ZBTB46: variants seen among roughly 807,000 people sequenced by gnomAD.
ZBTB46 encodes the protein zinc finger and BTB domain containing 46.
Under a neutral mutation model 44.1 loss-of-function variants are expected in ZBTB46, and 8 were observed. That is an observed-to-expected ratio of 0.18 (90% CI 0.11 to 0.33). ZBTB46 has a LOEUF of 0.33. Ranked by LOEUF, ZBTB46 falls within the 10% of genes least tolerant of loss-of-function variation. The pLI is 1.00. For synonymous variants in ZBTB46, 409 were observed against 382.3 expected (o/e 1.07, Z -0.81); for missense variants, 651 against 847.7 (o/e 0.77, Z 2.88).
intron 1 of ZBTB46, among the ~76,000 whole-genome samples, chr20:63,828,142 A>C (rs534888386): frequency 2.8e-4 from 43 of 152,340 alleles, no homozygotes; most frequent in South Asian, 1.2e-3. Flanking sequence ...TCTATAAACA[A>C]CACCATTGGG....
In ZBTB46 at chr20:63,787,846, A is replaced by G. The variant is rs1032135066; in HGVS notation, c.937+1975T>C. ...AGCTGTGTTCACTCCCGGCTCTCGCAGATCTCTCAGCGACGGAGAGGAGGG... is the reference window on the plus strand; with the variant it reads ...AGCTGTGTTCACTCCCGGCTCTCGCGGATCTCTCAGCGACGGAGAGGAGGG... On this transcript the variant is annotated intron_variant, in intron 2 of 4. Coordinates refer to ENST00000245663, the MANE Select transcript of ZBTB46 (RefSeq NM_001369741.1). This position sits in a 1 kb window ranked among gnomAD's most constrained non-coding sequence, Gnocchi z 4.6. 6.6e-6 allele frequency: 1 copy of G among 152,286 alleles called. No individual in the cohort carries two copies. The highest frequency in any genetic ancestry group is 1.5e-5 in the Non-Finnish European group (1 of 68,070). 9.4% of individuals were successfully genotyped at this position (152,286 alleles called of 1,614,324 possible).
At chr20:63,825,383 A>G (rs1474278105) in intron 1 of ZBTB46, among the ~76,000 whole-genome samples, 10 of 147,196 alleles carry the variant, frequency 6.8e-5, no homozygotes, top group African/African-American at 2.5e-4. Context: ...CCTGGGGGAC[A>G]GAACAAGACT....
chr20:63,797,821 A>G (rs903233822), intron 1 of ZBTB46, among the ~76,000 whole-genome samples: 1 of 152,164 alleles, frequency 6.6e-6, no homozygotes, highest in Non-Finnish European at 1.5e-5. Context: ...GTGTCTGTTC[A>G]TATCCTTTGC....
chr20:63,744,040 TAAGAA>T lies in ZBTB46; in HGVS notation c.*2885_*2889del, dbSNP rs1454909126. The T allele has an allele frequency of 6.6e-6, 1 of 152,454 alleles. No homozygotes were observed. Among genetic ancestry groups the T allele is most frequent in the African/African-American group, 2.4e-5 (1 of 41,402 alleles). 9.4% of individuals were successfully genotyped at this position (152,454 alleles called of 1,614,324 possible). Reference sequence around the variant, plus strand: ...AAGCATGTTGAAAAAAATAAATATTTAAGAAAAGCACACACAGCACCCTCACTACA... The same window carrying T: ...AAGCATGTTGAAAAAAATAAATATTTAAGCACACACAGCACCCTCACTACA... On this transcript the variant is annotated 3_prime_UTR_variant, in exon 5 of 5. Transcript: ENST00000245663.
At chr20:63,775,290 T>A in intron 3 of ZBTB46, 1 of 189,934 alleles carries the variant, frequency 5.3e-6, no homozygotes, top group Non-Finnish European at 1.1e-5. Flanking sequence ...GAAACGAGCC[T>A]CAGCACGAAG....
At chr20:63,768,214 G>A (rs901118897) in intron 3 of ZBTB46, 4 of 748,736 alleles carry the variant, frequency 5.3e-6, no homozygotes, top group Non-Finnish European at 6.5e-6. Context: ...ACTATCCTGT[G>A]AGAAATGAGA....
intron 2 of ZBTB46, among the ~76,000 whole-genome samples, chr20:63,783,591 T>G (rs2092488410): frequency 6.6e-6 from 1 of 152,166 alleles, no homozygotes. Flanking sequence ...CAAAGCTGAT[T>G]GCAGGTAATT....
intron 1 of ZBTB46, among the ~76,000 whole-genome samples, chr20:63,792,370 G>A (rs2092568056): frequency 2.6e-5 from 4 of 152,186 alleles, no homozygotes; most frequent in African/African-American, 7.2e-5. Flanking sequence ...GCGAGCGTGG[G>A]AGTATTACAT....
intron 1 of ZBTB46, among the ~76,000 whole-genome samples, chr20:63,800,653 G>C (rs539937270): frequency 1.3e-5 from 2 of 152,226 alleles, no homozygotes; most frequent in African/African-American, 4.8e-5. Flanking sequence ...CCCCACACTC[G>C]GAGCGGCCCA....
chr20:63,748,250 C>T lies in ZBTB46; in HGVS notation c.1399-949G>A, dbSNP rs541024536. On this transcript the variant is annotated intron_variant, in intron 4 of 4. Transcript: ENST00000245663. Reference sequence around the variant, plus strand: ...GTCGTGCTGTGCCCTGTGCTGGGCCCGGCAGGGAGATGGGGCAGCACCCTG... The same window carrying T: ...GTCGTGCTGTGCCCTGTGCTGGGCCTGGCAGGGAGATGGGGCAGCACCCTG... Among the ~76,000 whole-genome samples, 17 of 152,344 alleles carry T rather than the reference C, an allele frequency of 1.1e-4. No homozygotes were observed. In the East Asian group the frequency reaches 2.1e-3, roughly 19 times the overall value.
intron 3 of ZBTB46, among the ~76,000 whole-genome samples, chr20:63,759,267 T>C (rs1029950882): frequency 8.5e-6 from 1 of 117,032 alleles, no homozygotes. Context: ...ATTGGCTGTA[T>C]ATCCAGTATA....
chr20:63,825,246 C>G (rs1374624640), intron 1 of ZBTB46, among the ~76,000 whole-genome samples: 1 of 151,548 alleles, frequency 6.6e-6, no homozygotes, highest in Non-Finnish European at 1.5e-5. Context: ...ACTAAAAATA[C>G]AAAAATTAGC....
intron 1 of ZBTB46, among the ~76,000 whole-genome samples, chr20:63,795,521 A>G (rs1036664449): frequency 6.6e-6 from 1 of 152,258 alleles, no homozygotes; most frequent in African/African-American, 2.4e-5. Flanking sequence ...TCAAACCCCA[A>G]TAGCCACCAG....
In ZBTB46 at chr20:63,777,724, C is replaced by G. The variant is rs1257327006; in HGVS notation, c.938-1762G>C. ...CGCGTAGCACGTTATCCATAACAGC[C>G]AAAAGGTGGAACAGCCAACAAGTCC... On this transcript the variant is annotated intron_variant, in intron 2 of 4. Coordinates refer to ENST00000245663, the MANE Select transcript of ZBTB46 (RefSeq NM_001369741.1). Among the ~76,000 whole-genome samples the G allele has an allele frequency of 4.6e-5, 7 of 152,206 alleles. No homozygotes were observed. In the East Asian group the frequency reaches 1.4e-3, roughly 29 times the overall value.
intron 2 of ZBTB46, among the ~76,000 whole-genome samples, chr20:63,782,115 C>A (rs1409801468): frequency 8.3e-6 from 1 of 121,164 alleles, no homozygotes; most frequent in Non-Finnish European, 1.8e-5. Flanking sequence ...AGAGGCGTGG[C>A]GATTTTCACC....
Position 63,775,785 on chromosome 20 carries a change from G to A in ZBTB46, c.1115C>T (p.Ala372Val), listed in dbSNP as rs1568855112. Residue 372 changes from alanine to valine, a missense_variant, in exon 3 of 5, where the codon GCG becomes GTG. Coordinates refer to ENST00000245663, the MANE Select transcript of ZBTB46 (RefSeq NM_001369741.1). ...CAGGCTGTTCTTACTCATGAGCGCC[G>A]CGCGCAGGTTGGCCACCGCGGTGGC... ...HQATAVANLRAALMSKNSLLS... is the reference protein window; with the variant it reads ...HQATAVANLRVALMSKNSLLS... The A allele has an allele frequency of 6.2e-7, 1 of 1,613,366 alleles. No individual in the cohort carries two copies.
At chr20:63,760,917 AG>A (rs893890082) in intron 3 of ZBTB46, among the ~76,000 whole-genome samples, 15 of 150,074 alleles carry the variant, frequency 1.0e-4, no homozygotes, top group African/African-American at 3.7e-4. Flanking sequence ...AACCTCCCGA[AG>A]TGCTGGGATT....
At chr20:63,770,428 G>C (rs1220340445) in intron 3 of ZBTB46, among the ~76,000 whole-genome samples, 1 of 152,214 alleles carries the variant, frequency 6.6e-6, no homozygotes, top group Non-Finnish European at 1.5e-5. Context: ...TGAGAAGTAT[G>C]GCAAGTCCTC....
At chr20:63,791,495 C>CAAAAAAAAAAAAAA (rs59810640) in intron 1 of ZBTB46, among the ~76,000 whole-genome samples, 1 of 61,230 alleles carries the variant, frequency 1.6e-5, no homozygotes, top group Admixed American at 1.7e-4. Flanking sequence ...GACTCCATCT[C>CAAAAAAAAAAAAAA]AAAAAAAAAA....
Sources: gnomAD v4.1 joint callset for allele counts (sites outside exome capture counted in the v4.1 genomes callset) on GRCh38, gnomAD v4.1.1 for gene constraint, Gnocchi (gnomAD v3.1) non-coding constraint, MANE v1.5 for transcripts, NCBI Gene and HGNC (gene_info 2026-07-23, HGNC 2026-07-21) for gene names.